Variants in CNBD1 observed in about 807,000 individuals in gnomAD.
CNBD1 encodes the protein cyclic nucleotide-binding domain-containing protein 1.
Under a neutral mutation model 54.4 loss-of-function variants are expected in CNBD1, and 71 were observed. The observed-to-expected ratio is 1.30, with a 90% CI of 1.08 to 1.59. The LOEUF (loss-of-function observed/expected upper bound fraction) is 1.59. CNBD1 is among the 40% of genes most tolerant of loss of function. The pLI is 0.00. For synonymous variants in CNBD1, 182 were observed against 170.7 expected (o/e 1.07, Z -0.51); for missense variants, 659 against 518.0 (o/e 1.27, Z -2.64).
Position 86,944,549 on chromosome 8 carries a change from ACAAGTG to A in CNBD1, c.431+4800_431+4805del, listed in dbSNP as rs562785877. Among the ~76,000 whole-genome samples the A allele has an allele frequency of 3.2e-3, 481 of 152,348 alleles. 2 individuals are homozygous for A. Among genetic ancestry groups the A allele is most frequent in the Non-Finnish European group, 4.7e-3 (321 of 68,032 alleles). ...GAAGTGCATTCTAGGGAAAGAAAAC[ACAAGTG>A]CAAGAGCCCAGGTATTGCAACATGG... On this transcript the variant is annotated intron_variant, in intron 4 of 10. Transcript: ENST00000518476.
intron 10 of CNBD1, among the ~76,000 whole-genome samples, chr8:87,358,026 T>C (rs775574460): frequency 1.3e-5 from 2 of 152,150 alleles, no homozygotes; most frequent in African/African-American, 4.8e-5. Context: ...TCTCTCTCCA[T>C]GTGACATGCC....
intron 4 of CNBD1, among the ~76,000 whole-genome samples, chr8:87,178,655 A>T (rs1813247750): frequency 6.6e-6 from 1 of 152,222 alleles, no homozygotes; most frequent in Non-Finnish European, 1.5e-5. Flanking sequence ...AGGTGTAAAC[A>T]GAGGGAATAT....
intron 4 of CNBD1, among the ~76,000 whole-genome samples, chr8:87,018,518 A>G (rs1408588466): frequency 6.6e-6 from 1 of 152,186 alleles, no homozygotes. Flanking sequence ...GTACTACATT[A>G]TAATTTTTCT....
chr8:87,181,663 T>C (rs1422113431), intron 4 of CNBD1, among the ~76,000 whole-genome samples: 2 of 152,184 alleles, frequency 1.3e-5, no homozygotes, highest in African/African-American at 4.8e-5. Context: ...AAAAACCAAC[T>C]TATGCTTTCA....
At chr8:87,317,573 T>C in intron 8 of CNBD1, among the ~76,000 whole-genome samples, 1 of 151,908 alleles carries the variant, frequency 6.6e-6, no homozygotes, top group East Asian at 1.9e-4. Flanking sequence ...TTTCATTTAG[T>C]GGCTTTGAAC....
chr8:87,415,069 A>G (rs1807813786), intron 2 of CNBD1, among the ~76,000 whole-genome samples: 1 of 152,108 alleles, frequency 6.6e-6, no homozygotes. Context: ...AAATGTGAGC[A>G]GTAGCTGGAA....
At chr8:87,424,993 CAT>C (rs1376803861) in intron 2 of CNBD1, among the ~76,000 whole-genome samples, 1 of 152,094 alleles carries the variant, frequency 6.6e-6, no homozygotes, top group Non-Finnish European at 1.5e-5. Context: ...CACATAGTCC[CAT>C]ATTTCTTGGA....
Position 87,073,938 on chromosome 8 carries a change from A to G in CNBD1, c.432-132055A>G, listed in dbSNP as rs59920186. The stretch of plus-strand genomic sequence containing the variant: ...AACATGATGAAACCCCGTCTCTACT[A>G]AAAACACAAAAAAATTAGCCAGGCG... On this transcript the variant is annotated intron_variant, in intron 4 of 10. Coordinates refer to ENST00000518476, the MANE Select transcript of CNBD1 (RefSeq NM_173538.3). Among the ~76,000 whole-genome samples the G allele has an allele frequency of 1.2e-3, 187 of 152,148 alleles. 3 individuals carry two copies. In the East Asian group the frequency reaches 0.015, roughly 12 times the overall value.
chr8:87,330,214 A>C (rs1809793527), intron 8 of CNBD1, among the ~76,000 whole-genome samples: 1 of 132,342 alleles, frequency 7.6e-6, no homozygotes. Context: ...CATACTGGTA[A>C]TTTGTGTTCC....
intron 4 of CNBD1, among the ~76,000 whole-genome samples, chr8:87,152,840 T>A (rs1288371446): frequency 6.6e-6 from 1 of 152,198 alleles, no homozygotes; most frequent in Non-Finnish European, 1.5e-5. Flanking sequence ...ATACTTTTGC[T>A]GTAGGGGAGC....
chr8:86,878,080 C>CTGTGTGTGTGTGTGTG lies in CNBD1; in HGVS notation c.89-9451_89-9436dup, dbSNP rs145093111. ...TAATTTTGTTTTTCTTTCATCAAAG[C>CTGTGTGTGTGTGTGTG]TGTGTGTGTGTGTGTGTGTGTGTGT... On this transcript the variant is annotated intron_variant, in intron 1 of 10. Transcript: ENST00000518476. 5.7e-3 allele frequency among the ~76,000 whole-genome samples: 774 copies of CTGTGTGTGTGTGTGTG among 135,896 alleles called. 8 individuals are homozygous for CTGTGTGTGTGTGTGTG. Among genetic ancestry groups the CTGTGTGTGTGTGTGTG allele is most frequent in the African/African-American group, 0.019 (710 of 36,662 alleles). 89.2% of individuals were successfully genotyped at this position (135,896 alleles called of 152,430 possible).
intron 4 of CNBD1, among the ~76,000 whole-genome samples, chr8:87,127,240 A>G (rs1041389896): frequency 1.3e-5 from 2 of 152,058 alleles, no homozygotes; most frequent in Non-Finnish European, 2.9e-5. Context: ...TTGTAGATCA[A>G]TTTTGGGAGA....
At chr8:86,895,386 C>T (rs1224659507) in intron 2 of CNBD1, among the ~76,000 whole-genome samples, 1 of 152,012 alleles carries the variant, frequency 6.6e-6, no homozygotes, top group African/African-American at 2.4e-5. Flanking sequence ...TGGTTGCTTT[C>T]AAGTTTTAGC....
At chr8:86,909,613 G>A (rs1164190190) in intron 3 of CNBD1, among the ~76,000 whole-genome samples, 1 of 152,098 alleles carries the variant, frequency 6.6e-6, no homozygotes, top group Non-Finnish European at 1.5e-5. Flanking sequence ...TGCCATGTTG[G>A]TGTGCAACAT....
chr8:87,124,479 A>C (rs1488469938), intron 4 of CNBD1, among the ~76,000 whole-genome samples: 1 of 151,768 alleles, frequency 6.6e-6, no homozygotes, highest in Non-Finnish European at 1.5e-5. Flanking sequence ...TTGTCATTGG[A>C]ATACAAAGAT....
At chr8:87,007,299 A>C (rs1303139935) in intron 4 of CNBD1, among the ~76,000 whole-genome samples, 1 of 152,164 alleles carries the variant, frequency 6.6e-6, no homozygotes, top group Non-Finnish European at 1.5e-5. Flanking sequence ...CCAAAATATT[A>C]ATCTCATTGG....
At chr8:87,302,795 T>A (rs10102362) in intron 8 of CNBD1, among the ~76,000 whole-genome samples, 57,491 of 150,724 alleles carry the variant, frequency 0.38, 11,394 homozygotes, top group Middle Eastern at 0.45. Flanking sequence ...AAGTCTCAGG[T>A]TACAAAATCA....
At chr8:87,139,682 A>G (rs1253369875) in intron 4 of CNBD1, among the ~76,000 whole-genome samples, 1 of 152,142 alleles carries the variant, frequency 6.6e-6, no homozygotes, top group Non-Finnish European at 1.5e-5. Flanking sequence ...GCAGCCATAA[A>G]TGATAGCACA....
intron 1 of CNBD1, among the ~76,000 whole-genome samples, chr8:86,867,197 A>G (rs1808377668): frequency 6.6e-6 from 1 of 151,994 alleles, no homozygotes. Flanking sequence ...TTAAGATTGT[A>G]AACACTTCTC....
Sources: allele counts gnomAD v4.1 joint callset (sites outside exome capture counted in the v4.1 genomes callset), GRCh38; gene constraint gnomAD v4.1.1; transcripts MANE v1.5; gene names NCBI Gene and HGNC (gene_info 2026-07-23, HGNC 2026-07-21).